The following SPNS3 variants were observed in gnomAD, a reference collection of about 807,000 sequenced individuals.
SPNS3 encodes the protein protein spinster homolog 3.
Under a neutral mutation model 54.4 loss-of-function variants are expected in SPNS3, and 51 were observed. That is an observed-to-expected ratio of 0.94 (90% CI 0.75 to 1.18). The LOEUF (loss-of-function observed/expected upper bound fraction) is 1.18, where lower values mean the gene tolerates loss of function less well. Ranked by LOEUF, SPNS3 falls within the 50% of genes most tolerant of loss-of-function variation. The probability of loss-of-function intolerance (pLI) is 0.00; values close to 1 mark genes in which losing one functional copy is unlikely to be tolerated. For synonymous variants in SPNS3, 309 were observed against 294.7 expected (o/e 1.05, Z -0.50); for missense variants, 669 against 677.4 (o/e 0.99, Z 0.14).
At chr17:4,463,581 A>C (rs1408092151) in intron 8 of SPNS3, among the ~76,000 whole-genome samples, 2 of 151,592 alleles carry the variant, frequency 1.3e-5, no homozygotes, top group Non-Finnish European at 2.9e-5. Flanking sequence ...CTAAAAATAT[A>C]TTAAAAATTT....
chr17:4,458,197 T>C (rs930670698), intron 8 of SPNS3, among the ~76,000 whole-genome samples: 2 of 152,190 alleles, frequency 1.3e-5, no homozygotes, highest in Non-Finnish European at 2.9e-5. Flanking sequence ...TCTCCAGAAC[T>C]GTTCTAGAAG....
In SPNS3 at chr17:4,470,377, G is replaced by A. The variant is rs186958801; in HGVS notation, c.1114-8195G>A. On this transcript the variant is annotated intron_variant, in intron 8 of 11. Transcript: ENST00000355530. ...CAGGAGGCAGAGGTTGCAGTGAGCC[G>A]AGATCACGCCACTGCACTCCAGCCT... Among the ~76,000 whole-genome samples the A allele has an allele frequency of 2.8e-4, 42 of 152,152 alleles. No individual in the cohort carries two copies. The South Asian group carries it at 5.0e-3, about 18-fold the overall frequency.
At chr17:4,479,644 T>C (rs1486256040) in intron 9 of SPNS3, among the ~76,000 whole-genome samples, 1 of 152,176 alleles carries the variant, frequency 6.6e-6, no homozygotes, top group Non-Finnish European at 1.5e-5. Flanking sequence ...CACAGTCTGG[T>C]GCTGGCCACA....
intron 8 of SPNS3, among the ~76,000 whole-genome samples, chr17:4,464,851 T>C (rs369808954): frequency 1.3e-5 from 2 of 152,016 alleles, no homozygotes; most frequent in African/African-American, 4.8e-5. Flanking sequence ...GGCTGACTTT[T>C]GGTATTTTTA....
chr17:4,469,703 T>C (rs756076468), intron 8 of SPNS3, among the ~76,000 whole-genome samples: 4 of 150,144 alleles, frequency 2.7e-5, no homozygotes, highest in Non-Finnish European at 4.4e-5. Flanking sequence ...TTTAAAGCCA[T>C]GAGACCAAAT....
At chr17:4,440,312 A>C (rs150685781) in intron 2 of SPNS3, among the ~76,000 whole-genome samples, 137 of 152,230 alleles carry the variant, frequency 9.0e-4, no homozygotes, top group African/African-American at 3.2e-3. Flanking sequence ...CACAGTGTGC[A>C]TATCCACACA....
intron 1 of SPNS3, among the ~76,000 whole-genome samples, chr17:4,434,871 C>G (rs965611145): frequency 1.3e-5 from 2 of 149,720 alleles, no homozygotes; most frequent in African/African-American, 4.9e-5. Context: ...GTGGCGCGAT[C>G]TCGGCTCACT....
intron 2 of SPNS3, among the ~76,000 whole-genome samples, chr17:4,444,424 T>C (rs1354296769): frequency 6.6e-6 from 1 of 151,962 alleles, no homozygotes; most frequent in Non-Finnish European, 1.5e-5. Context: ...GGTTTCACTA[T>C]GTTGCCCAGG....
At chr17:4,434,663 AT>A (rs1312862045) in intron 1 of SPNS3, among the ~76,000 whole-genome samples, 16 of 145,476 alleles carry the variant, frequency 1.1e-4, no homozygotes, top group Non-Finnish European at 1.8e-4. Flanking sequence ...CATCCGGCTA[AT>A]TTTTGTATTT....
Position 4,446,960 on chromosome 17 carries a change from C to T in SPNS3, c.619C>T (p.Arg207Ter), listed in dbSNP as rs565889776. The T allele has an allele frequency of 5.6e-6, 9 of 1,614,068 alleles. No homozygotes were observed. The highest frequency in any genetic ancestry group is 1.6e-4 in the Middle Eastern group (1 of 6,062). Reference sequence around the variant, plus strand: ...GACTGGGAACTGGCGCTGGGCCCTCCGAGTGAGTCCAGCTTCCTTTTCTTC... The same window carrying T: ...GACTGGGAACTGGCGCTGGGCCCTCTGAGTGAGTCCAGCTTCCTTTTCTTC... ...MLTGNWRWAL[R>*]VMPCLEAVAL... The change falls in exon 5 of 12, where the codon CGA (arginine) becomes TGA (stop). Residue 207 changes from arginine (R) to a stop codon, truncating the protein, a stop_gained and splice_region_variant. Transcript: ENST00000355530. LOFTEE classifies it high-confidence loss of function.
In SPNS3 at chr17:4,486,171, C is replaced by A. The variant is rs779024972; in HGVS notation, c.1180-57C>A. The A allele has an allele frequency of 6.4e-5, 93 of 1,447,506 alleles. No homozygotes were observed. The highest frequency in any genetic ancestry group is 7.9e-5 in the Non-Finnish European group (86 of 1,094,390). The allele number at this position is 1,447,506 out of a possible 1,614,324, so 89.7% of individuals were successfully genotyped here. ...AGGCAGGTCCTTGGCAGGTGGGGAACAGCAGGCAAGGGTGCCCTCACTTGG... is the reference window on the plus strand; with the variant it reads ...AGGCAGGTCCTTGGCAGGTGGGGAAAAGCAGGCAAGGGTGCCCTCACTTGG... On this transcript the variant is annotated intron_variant, in intron 9 of 11. Transcript: ENST00000355530. This position sits in a 1 kb window ranked among gnomAD's most constrained non-coding sequence, Gnocchi z 5.5.
Position 4,487,613 on chromosome 17 carries a change from G to A in SPNS3, c.1451-193G>A, listed in dbSNP as rs546159726. On this transcript the variant is annotated intron_variant, in intron 11 of 11. Coordinates refer to ENST00000355530, the MANE Select transcript of SPNS3 (RefSeq NM_182538.5). ...AGTGTTGAGGCCGAGAGGCATAGCC[G>A]ACTCCCCTTCCAGGGGAGAGTGGTG... Among the ~76,000 whole-genome samples the A allele has an allele frequency of 1.2e-3, 179 of 152,360 alleles. 2 individuals carry two copies. The highest frequency in any genetic ancestry group is 4.1e-3 in the African/African-American group (172 of 41,592).
Position 4,433,967 on chromosome 17 carries a change from C to A in SPNS3, c.-1C>A. ...TCTCAGGCCAAGAGCTGCAGGCTGG[C>A]ATGGCTGGGGGGATGTCAGCGGAGT... On this transcript the variant is annotated 5_prime_UTR_variant, in exon 1 of 12. Coordinates refer to ENST00000355530, the MANE Select transcript of SPNS3 (RefSeq NM_182538.5). The A allele has an allele frequency of 4.6e-6, 7 of 1,523,938 alleles. No individual in the cohort carries two copies. The highest frequency in any genetic ancestry group is 6.2e-6 in the Non-Finnish European group (7 of 1,135,220). 94.4% of individuals were successfully genotyped at this position (1,523,938 alleles called of 1,614,324 possible).
At chr17:4,458,650 C>T (rs866913161) in intron 8 of SPNS3, among the ~76,000 whole-genome samples, 765 of 45,770 alleles carry the variant, frequency 0.017, 4 homozygotes, top group African/African-American at 0.05. Flanking sequence ...TCTTTCTTTC[C>T]TTCCTTCTTT....
chr17:4,486,282 G>A lies in SPNS3; in HGVS notation c.1234G>A (p.Gly412Ser). ...GGCAGAGGCACTTCAGATCACGGTG[G>A]GCCACATCCTGGGAGACGCTGGCAG... The part of the protein sequence containing the change: ...GTAEALQITV[G>S]HILGDAGSPY... Residue 412 changes from glycine to serine, a missense_variant, in exon 10 of 12, where the codon GGC (glycine) becomes AGC (serine). Coordinates refer to ENST00000355530, the MANE Select transcript of SPNS3 (RefSeq NM_182538.5). The surrounding 1 kb of genome is among the most constrained non-coding windows in gnomAD (Gnocchi z 5.5). 1 of 1,592,956 alleles carries A rather than the reference G, an allele frequency of 6.3e-7. No homozygotes were observed. Among genetic ancestry groups the A allele is most frequent in the East Asian group, 2.2e-5 (1 of 44,542 alleles).
In SPNS3 at chr17:4,450,762, ATT is replaced by A. The variant is rs11415054; in HGVS notation, c.923+1391_923+1392del. On this transcript the variant is annotated intron_variant, in intron 7 of 11. Coordinates refer to ENST00000355530, the MANE Select transcript of SPNS3 (RefSeq NM_182538.5). ...CAGGCATGTGCTACCATGCCCAGCT[ATT>A]TTTTTTTTTTTTTTTGTATTTTTAG... Among the ~76,000 whole-genome samples, 577 of 127,190 alleles carry A rather than the reference ATT, an allele frequency of 4.5e-3. 9 individuals are homozygous for A. The highest frequency in any genetic ancestry group is 0.015 in the African/African-American group (494 of 33,652). 83.4% of individuals were successfully genotyped at this position (127,190 alleles called of 152,430 possible).
intron 8 of SPNS3, among the ~76,000 whole-genome samples, chr17:4,477,714 G>A (rs1010993461): frequency 2.0e-5 from 3 of 152,160 alleles, no homozygotes; most frequent in African/African-American, 7.2e-5. Flanking sequence ...GACAAGCCCC[G>A]TCCTCGACCA....
chr17:4,478,457 C>T, intron 8 of SPNS3, 115 bp from the exon 9 acceptor site: 2 of 923,934 alleles, frequency 2.2e-6, no homozygotes, highest in Non-Finnish European at 3.3e-6. Context: ...CAATAAGTCT[C>T]AATAATGCCT....
chr17:4,465,849 G>T (rs931074709), intron 8 of SPNS3, among the ~76,000 whole-genome samples: 4 of 152,248 alleles, frequency 2.6e-5, no homozygotes, highest in African/African-American at 9.6e-5. Flanking sequence ...ATGCCCCAGG[G>T]TTTCCTTCTC....
Sources: gnomAD v4.1 joint callset for allele counts (sites outside exome capture counted in the v4.1 genomes callset) on GRCh38, gnomAD v4.1.1 for gene constraint, Gnocchi (gnomAD v3.1) non-coding constraint, MANE v1.5 for transcripts, NCBI Gene and HGNC (gene_info 2026-07-23, HGNC 2026-07-21) for gene names.